The following R3HDM1 variants were observed in gnomAD, a reference collection of about 807,000 sequenced individuals.
The protein encoded by R3HDM1 is R3H domain containing 1.
A neutral mutation model predicts 141.1 loss-of-function variants in R3HDM1; 46 were observed. The observed-to-expected ratio is 0.33, with a 90% CI of 0.26 to 0.42. The LOEUF (loss-of-function observed/expected upper bound fraction) is 0.42, where lower values mean the gene tolerates loss of function less well. R3HDM1 is among the 10% of genes least tolerant of loss of function. The pLI, the probability that R3HDM1 is intolerant of heterozygous loss-of-function variation, is 1.00. For missense variants in R3HDM1, 1,184 were observed against 1,368.3 expected (o/e 0.87, Z 2.12); for synonymous variants, 435 against 472.9 (o/e 0.92, Z 1.04).
intron 1 of R3HDM1, among the ~76,000 whole-genome samples, chr2:135,601,247 G>A (rs140239513): frequency 4.6e-5 from 7 of 152,164 alleles, no homozygotes; most frequent in African/African-American, 9.6e-5. Context: ...GAGATGACAC[G>A]GTATCAATTA....
At chr2:135,592,413 C>T (rs187438598) in intron 1 of R3HDM1, among the ~76,000 whole-genome samples, 306 of 152,238 alleles carry the variant, frequency 2.0e-3, no homozygotes, top group African/African-American at 6.8e-3. Flanking sequence ...GAGATAACTC[C>T]GAGGTCAAGA....
chr2:135,544,216 C>G (rs1414709156), intron 1 of R3HDM1, among the ~76,000 whole-genome samples: 1 of 152,018 alleles, frequency 6.6e-6, no homozygotes, highest in Non-Finnish European at 1.5e-5. Flanking sequence ...GTGAAAGGTA[C>G]AAATAGTTGG....
rs1278151389 is a variant in R3HDM1 at position 135,638,896 on chromosome 2, A to G, written c.993A>G (p.Arg331=). Reference sequence around the variant, plus strand: ...TCAAGGTTTTATTTCTAAATTACAGAGTTAATAAAGATGCTTCAGGGAGAT... The same window carrying G: ...TCAAGGTTTTATTTCTAAATTACAGGGTTAATAAAGATGCTTCAGGGAGAT... ...SSTQQRRQIF[R]VNKDASGRST... Residue 331 remains arginine, a splice_region_variant and synonymous_variant, in exon 14 of 27, where the codon AGA becomes AGG. Coordinates refer to ENST00000683871, the MANE Select transcript of R3HDM1 (RefSeq NM_001378107.1). 3.7e-6 allele frequency: 6 copies of G among 1,612,816 alleles called. No homozygotes were observed. Among genetic ancestry groups the G allele is most frequent in the Non-Finnish European group, 5.1e-6 (6 of 1,179,602 alleles).
rs553196106 is a variant in R3HDM1, at chr2:135,568,420, G to A, written c.-249-34080G>A. Among the ~76,000 whole-genome samples the A allele has an allele frequency of 2.0e-4, 31 of 151,660 alleles. 1 individual carries two copies. The South Asian group carries it at 5.4e-3, about 27-fold the overall frequency. On this transcript the variant is annotated intron_variant, in intron 1 of 26. Coordinates refer to ENST00000683871, the MANE Select transcript of R3HDM1 (RefSeq NM_001378107.1). ...GCTGGAGTGCAGTTGTGTAATCTCC[G>A]CTCACTGCATCCTCCACCTCGCAGG...
chr2:135,539,177 T>A (rs1696907175), intron 1 of R3HDM1, among the ~76,000 whole-genome samples: 2 of 151,500 alleles, frequency 1.3e-5, no homozygotes, highest in Non-Finnish European at 2.9e-5. Context: ...AACTTCTGAT[T>A]TTTTTTTTAA....
intron 21 of R3HDM1, among the ~76,000 whole-genome samples, chr2:135,697,320 A>T (rs2073396682): frequency 6.6e-6 from 1 of 152,266 alleles, no homozygotes; most frequent in Non-Finnish European, 1.5e-5. Flanking sequence ...TTAAATTTGT[A>T]AAGGATTATT....
rs778141621 is a variant in R3HDM1, at chr2:135,604,863, T to C, written c.18T>C (p.Thr6=). 2 of 1,612,400 alleles carry C rather than the reference T, an allele frequency of 1.2e-6. No homozygotes were observed. The highest frequency in any genetic ancestry group is 1.1e-5 in the South Asian group (1 of 91,024). MRMSD[T]VTVKDETATM... is the part of the protein sequence containing the mutation. ...CTTTTCTAATGAGGATGTCTGATAC[T>C]GTTACTGTAAAAGATGAAACTGCAA... Residue 6 remains threonine (T), a synonymous_variant, in exon 3 of 27, where the codon ACT becomes ACC. Transcript: ENST00000683871.
rs151058743 is a variant in R3HDM1, at chr2:135,647,211, C to T, written c.1623+1684C>T. On this transcript the variant is annotated intron_variant, in intron 16 of 26. Transcript: ENST00000683871. ...CTTCCCAATCCCATTTGGTTACATACAATGAGCTCGCATAAAACTTCTTCC... is the reference window on the plus strand; with the variant it reads ...CTTCCCAATCCCATTTGGTTACATATAATGAGCTCGCATAAAACTTCTTCC... 1.3e-3 allele frequency among the ~76,000 whole-genome samples: 201 copies of T among 152,320 alleles called. 1 individual carries two copies. Among genetic ancestry groups the T allele is most frequent in the African/African-American group, 4.6e-3 (193 of 41,584 alleles).
Position 135,577,952 on chromosome 2 carries a change from C to T in R3HDM1, c.-249-24548C>T, listed in dbSNP as rs77469200. ...ATTCTGTGCAAGGCACCTTCAGATA[C>T]TGCTGGTAAAAATACACACTAGCAT... On this transcript the variant is annotated intron_variant, in intron 1 of 26. Transcript: ENST00000683871. 2.9e-3 allele frequency among the ~76,000 whole-genome samples: 448 copies of T among 151,892 alleles called. 2 individuals carry two copies. The highest frequency in any genetic ancestry group is 0.01 in the African/African-American group (418 of 41,418).
chr2:135,629,546 A>G (rs1284889717), intron 7 of R3HDM1, among the ~76,000 whole-genome samples: 1 of 152,260 alleles, frequency 6.6e-6, no homozygotes, highest in Non-Finnish European at 1.5e-5. Context: ...AAATAACTAT[A>G]TATGACAATA....
chr2:135,590,321 A>G (rs893792771), intron 1 of R3HDM1, among the ~76,000 whole-genome samples: 3 of 152,148 alleles, frequency 2.0e-5, no homozygotes, highest in Non-Finnish European at 4.4e-5. Context: ...GCTTGGGGTC[A>G]CTAGAGAGAG....
At position 135,536,836 on chromosome 2, in the gene R3HDM1, C is replaced by T. The variant is rs974420811; in HGVS notation, c.-250+5203C>T. 22 of 485,392 alleles carry T rather than the reference C, an allele frequency of 4.5e-5. No individual in the cohort carries two copies. In the Admixed American group the frequency reaches 5.1e-4, roughly 11 times the overall value. 30.1% of individuals were successfully genotyped at this position (485,392 alleles called of 1,614,324 possible). ...TGAGCTCTGCCTCCTGTCAGATCAG[C>T]GGTGGCATTAGATTCTCATAGGATT... On this transcript the variant is annotated intron_variant, in intron 1 of 26. Coordinates refer to ENST00000683871, the MANE Select transcript of R3HDM1 (RefSeq NM_001378107.1).
intron 7 of R3HDM1, among the ~76,000 whole-genome samples, chr2:135,630,059 A>G (rs1287419373): frequency 1.3e-5 from 2 of 151,308 alleles, no homozygotes; most frequent in South Asian, 2.1e-4. Flanking sequence ...GATGATTTAA[A>G]AAAAAAAAAA....
chr2:135,626,689 G>A (rs1014465026), intron 7 of R3HDM1, among the ~76,000 whole-genome samples: 9 of 152,142 alleles, frequency 5.9e-5, no homozygotes, highest in African/African-American at 2.2e-4. Context: ...TTTTTTAACT[G>A]TACGGTTTAA....
Position 135,638,742 on chromosome 2 carries a change from C to T in R3HDM1, c.945C>T (p.Leu315=). 1 of 1,614,028 alleles carries T rather than the reference C, an allele frequency of 6.2e-7. No homozygotes were observed. The highest frequency in any genetic ancestry group is 8.5e-7 in the Non-Finnish European group (1 of 1,179,996). The part of the protein sequence containing the change: ...SQENYIIDKR[L]QDEDASSTQQ... ...TGTCCTATTAAAATGCCAACAGACT[C>T]CAAGACGAGGATGCCAGTAGTACCC... Residue 315 remains leucine, a synonymous_variant, in exon 13 of 27, where the codon CTC becomes CTT. Coordinates refer to ENST00000683871, the MANE Select transcript of R3HDM1 (RefSeq NM_001378107.1).
rs760357632 is a variant in R3HDM1 at position 135,721,948 on chromosome 2, G to T, written c.2906G>T (p.Gly969Val). The T allele has an allele frequency of 6.2e-7, 1 of 1,613,386 alleles. No individual in the cohort carries two copies. Among genetic ancestry groups the T allele is most frequent in the East Asian group, 2.2e-5 (1 of 44,864 alleles). The change falls in exon 25 of 27, where the codon GGC (glycine) becomes GTC (valine). Residue 969 changes from glycine (G) to valine (V), a missense_variant. This residue lies in a region of R3HDM1 where 182 missense variants were observed against 252.6 expected (regional missense o/e 0.72). Transcript: ENST00000683871. The part of the protein sequence containing the change: ...GQGDSRYPLL[G>V]QPLQYNPPAV... ...GGAGATTCCAGGTATCCATTACTTG[G>T]CCAGCCACTGCAGTACAATCCTCCT...
intron 1 of R3HDM1, chr2:135,577,208 T>C (rs770900277): frequency 1.0e-6 from 1 of 983,472 alleles, no homozygotes; most frequent in Non-Finnish European, 1.2e-6. Context: ...GACAAATACG[T>C]CTATATAAAA....
At chr2:135,683,953 AATACATACATACATAC>A (rs3074523) in intron 21 of R3HDM1, among the ~76,000 whole-genome samples, 15 of 147,874 alleles carry the variant, frequency 1.0e-4, no homozygotes, top group South Asian at 2.2e-4. Context: ...CTGTCTCATA[AATACATACATACATAC>A]ATACATACAT....
intron 16 of R3HDM1, among the ~76,000 whole-genome samples, chr2:135,646,292 C>T (rs1202414863): frequency 1.3e-5 from 2 of 151,598 alleles, no homozygotes; most frequent in Non-Finnish European, 2.9e-5. Flanking sequence ...GCCGCCACCA[C>T]GCCCGGCAAA....
Sources: allele counts gnomAD v4.1 joint callset (sites outside exome capture counted in the v4.1 genomes callset), GRCh38; gene constraint gnomAD v4.1.1; regional missense constraint gnomAD v4.1.1; transcripts MANE v1.5; gene names NCBI Gene and HGNC (gene_info 2026-07-23, HGNC 2026-07-21).